TRPM5: variants seen among roughly 807,000 people sequenced by gnomAD.
TRPM5 encodes the protein transient receptor potential cation channel subfamily M member 5.
A neutral mutation model predicts 124.9 loss-of-function variants in TRPM5; 121 were observed. The ratio of observed to expected loss-of-function variants is 0.97; its 90% CI spans 0.84 to 1.13. The LOEUF is 1.13. Ranked by LOEUF, TRPM5 falls within the 50% of genes most tolerant of loss-of-function variation. The pLI is 0.00. For missense variants in TRPM5, 1,643 were observed against 1,589.1 expected, an observed-to-expected ratio of 1.03 and a Z score of -0.58; for synonymous variants, 781 against 700.5, an observed-to-expected ratio of 1.11 and a Z score of -1.81.
Position 2,420,315 on chromosome 11 carries a change from C to T in TRPM5, c.556G>A (p.Val186Met). ...CCCTTCCCCGGGGGGCCTGGCTCCA[C>T]CAGGATGAAGTGGGAGAGGTTGCTG... Residue 186 changes from valine to methionine, a missense_variant, in exon 4 of 24, where the codon GTG (valine) becomes ATG (methionine). Physicochemically the swap from Val to Met is conservative, Grantham distance 21 (BLOSUM62 1). Transcript: ENST00000155858. 1 of 1,612,798 alleles carries T rather than the reference C, an allele frequency of 6.2e-7. No homozygotes were observed. Among genetic ancestry groups the T allele is most frequent in the Non-Finnish European group, 8.5e-7 (1 of 1,179,960 alleles).
the TRPM5 span, among the ~76,000 whole-genome samples, chr11:2,433,690 G>C: frequency 1.3e-5 from 2 of 152,276 alleles, no homozygotes; most frequent in African/African-American, 2.4e-5. Context: ...CAGCGGGGCC[G>C]GGGCCAAGAC....
Position 2,414,704 on chromosome 11 carries a change from C to T in TRPM5, c.1744+11G>A, listed in dbSNP as rs748676465. Reference sequence around the variant, plus strand: ...CGCGCGCGGGCCCGGCCCCAGCCGCCGGTCACTCACCAAGGGCCAGCCGCT... The same window carrying T: ...CGCGCGCGGGCCCGGCCCCAGCCGCTGGTCACTCACCAAGGGCCAGCCGCT... On this transcript the variant is annotated intron_variant, in intron 11 of 23. Transcript: ENST00000155858. 29 of 1,529,882 alleles carry T rather than the reference C, an allele frequency of 1.9e-5. No individual in the cohort carries two copies. Among genetic ancestry groups the T allele is most frequent in the Middle Eastern group, 2.1e-4 (1 of 4,722 alleles). The allele number at this position is 1,529,882 out of a possible 1,614,324, so 94.8% of individuals were successfully genotyped here.
At chr11:2,410,428 G>A (rs1032961930) in intron 18 of TRPM5, among the ~76,000 whole-genome samples, 1 of 38,974 alleles carries the variant, frequency 2.6e-5, no homozygotes, top group Non-Finnish European at 6.3e-5. Flanking sequence ...CACCGCCTGA[G>A]CAGTTTCCCT....
intron 19 of TRPM5, 97 bp from the exon 25 acceptor site, chr11:2,407,397 T>G: frequency 1.6e-6 from 2 of 1,226,490 alleles, no homozygotes; most frequent in Non-Finnish European, 1.1e-6. Flanking sequence ...GAGCCCTTTT[T>G]GAAACTGAGG....
the TRPM5 span, among the ~76,000 whole-genome samples, chr11:2,432,347 G>A: frequency 4.6e-5 from 7 of 152,310 alleles, no homozygotes; most frequent in South Asian, 6.2e-4. Flanking sequence ...GAGAGGCCAC[G>A]CCAGTAGAGC....
intron 18 of TRPM5, among the ~76,000 whole-genome samples, chr11:2,409,684 A>C (rs915557086): frequency 3.3e-5 from 5 of 152,112 alleles, no homozygotes; most frequent in Non-Finnish European, 7.3e-5. Flanking sequence ...CTGGGGTTCA[A>C]CCTGAAGGGC....
the TRPM5 span, among the ~76,000 whole-genome samples, chr11:2,442,546 TAATATAAAA>T: frequency 6.6e-6 from 1 of 152,100 alleles, no homozygotes; most frequent in African/African-American, 2.4e-5. The surrounding 1 kb of genome is among the most constrained non-coding windows in gnomAD (Gnocchi z 5.9). Context: ...AGACTTTTGC[TAATATAAAA>T]AATGCTGTTT....
chr11:2,413,966 G>T, intron 12 of TRPM5, 95 bp downstream of exon 17: 1 of 1,493,140 alleles, frequency 6.7e-7, no homozygotes, highest in Non-Finnish European at 9.1e-7. Flanking sequence ...GGAGTGACAG[G>T]GCAGCTGCAG....
intron 21 of TRPM5, 96 bp from the exon 27 acceptor site, chr11:2,406,187 G>C: frequency 7.2e-7 from 1 of 1,386,794 alleles, no homozygotes; most frequent in Non-Finnish European, 1.0e-6. Flanking sequence ...GTGTGCCCGA[G>C]TTTGGGGTGC....
chr11:2,413,280 C>CAGGTG (rs1486557454), intron 13 of TRPM5, 54 bp from the exon 19 acceptor site: 26 of 1,470,684 alleles, frequency 1.8e-5, no homozygotes, highest in Non-Finnish European at 2.3e-5. Context: ...GAGGCGCCTG[C>CAGGTG]CTGGCTCCAG....
chr11:2,404,961 A>C, exon 24 of TRPM5: 1 of 1,612,524 alleles, frequency 6.2e-7, no homozygotes, highest in Non-Finnish European at 8.5e-7. Flanking sequence ...GAGGCTGGCC[A>C]GCCCCGGGTT....
chr11:2,417,868 CCAGGACGGGGGCAGAGG>C (rs1845708513), intron 6 of TRPM5, 39 bp from the exon 12 acceptor site: 2 of 1,535,848 alleles, frequency 1.3e-6, no homozygotes, highest in African/African-American at 2.7e-5. Context: ...GCCGCCTCAG[CCAGGACGGGGGCAGAGG>C]CAGGCCGTGG....
At chr11:2,423,324 G>A (rs1329984124), upstream of TRPM5, among the ~76,000 whole-genome samples, 2 of 152,190 alleles carry the variant, frequency 1.3e-5, no homozygotes, top group South Asian at 2.1e-4. Flanking sequence ...CGCTGTCAGC[G>A]CCTGGTTCCT....
chr11:2,406,002 C>T lies in TRPM5; in HGVS notation c.3324+17G>A, dbSNP rs1186877630. ...ACCCGCCTCCCATCAGGGAGAGGAG[C>T]TCTGGGGCTCGCTTGCCTGTGACTC... On this transcript the variant is annotated intron_variant, in intron 22 of 23. Transcript: ENST00000155858. The T allele has an allele frequency of 1.2e-6, 2 of 1,607,576 alleles. No individual in the cohort carries two copies. Among genetic ancestry groups the T allele is most frequent in the South Asian group, 1.1e-5 (1 of 91,040 alleles).
At chr11:2,422,159 T>C in exon 2 of TRPM5, 2 of 1,608,878 alleles carry the variant, frequency 1.2e-6, no homozygotes, top group Non-Finnish European at 1.7e-6. Context: ...TGAGCCGCCT[T>C]CACCAGCCCC....
At chr11:2,427,943 C>T (rs1845851281), upstream of TRPM5, among the ~76,000 whole-genome samples, 1 of 152,186 alleles carries the variant, frequency 6.6e-6, no homozygotes, top group Admixed American at 6.5e-5. Context: ...CCCATGGTGT[C>T]TCATCTGTGC....
upstream of TRPM5, among the ~76,000 whole-genome samples, chr11:2,425,489 G>A (rs1178986422): frequency 6.6e-6 from 1 of 152,186 alleles, no homozygotes; most frequent in African/African-American, 2.4e-5. Flanking sequence ...CCATCTGCAA[G>A]GACCCCACTT....
chr11:2,407,791 C>T (rs751082582), exon 19 of TRPM5: 1 of 1,613,908 alleles, frequency 6.2e-7, no homozygotes, highest in Non-Finnish European at 8.5e-7. Flanking sequence ...TCATGAGCAG[C>T]ACATTGGTGA....
the TRPM5 span, among the ~76,000 whole-genome samples, chr11:2,439,484 AAAAT>A: frequency 2.0e-3 from 311 of 152,324 alleles, 2 homozygotes; most frequent in African/African-American, 7.3e-3. Context: ...CAACAAGAAA[AAAAT>A]AAATAACCCC....
Sources: gnomAD v4.1 joint callset for allele counts (sites outside exome capture counted in the v4.1 genomes callset) on GRCh38, gnomAD v4.1.1 for gene constraint, Gnocchi (gnomAD v3.1) non-coding constraint, MANE v1.5 for transcripts, NCBI Gene and HGNC (gene_info 2026-07-23, HGNC 2026-07-21) for gene names.